Variants in GRID2IP observed in about 807,000 individuals in gnomAD.
GRID2IP encodes delphilin.
GRID2IP carries 78 observed loss-of-function variants against 114.3 expected under a neutral mutation model. That is an observed-to-expected ratio of 0.68 (90% CI 0.57 to 0.82). GRID2IP has a LOEUF of 0.82. GRID2IP is among the 40% of genes least tolerant of loss of function. The pLI is 0.00. For missense variants in GRID2IP, 1,727 were observed against 1,678.5 expected (o/e 1.03, Z -0.51); for synonymous variants, 809 against 724.0 (o/e 1.12, Z -1.89).
At chr7:6,501,754 T>C (rs1056014662) in intron 20 of GRID2IP, 27 bp downstream of exon 20, 3 of 1,510,420 alleles carry the variant, frequency 2.0e-6, no homozygotes, top group African/African-American at 2.8e-5. Flanking sequence ...TCCAGCCTGG[T>C]GCAGGAACAG....
chr7:6,531,134 C>A (rs1041101434), intron 2 of GRID2IP: 4 of 521,492 alleles, frequency 7.7e-6, no homozygotes, highest in Non-Finnish European at 1.4e-5. Flanking sequence ...CGGCAGGTGC[C>A]GAAGGGCAGG....
rs71775934 is a variant in GRID2IP, at chr7:6,528,072, A to AT, written c.585-1304dup. Among the ~76,000 whole-genome samples, 16 of 150,294 alleles carry AT rather than the reference A, an allele frequency of 1.1e-4. No individual in the cohort carries two copies. The highest frequency in any genetic ancestry group is 3.2e-4 in the African/African-American group (13 of 40,770). On this transcript the variant is annotated intron_variant, in intron 2 of 21. Coordinates refer to ENST00000457091, the MANE Select transcript of GRID2IP (RefSeq NM_001145118.2). The surrounding 1 kb of genome is among the most constrained non-coding windows in gnomAD (Gnocchi z 6.0). ...TGCCCGGCATTTTTTTTTCTTTTTA[A>AT]TTTTTTTTGTAGAGATGAGGCTCTA...
At chr7:6,533,181 T>C (rs986026316) in intron 2 of GRID2IP, among the ~76,000 whole-genome samples, 3 of 152,116 alleles carry the variant, frequency 2.0e-5, no homozygotes, top group Non-Finnish European at 4.4e-5. Flanking sequence ...AAACATCCTC[T>C]AATGTGCAGG....
rs556185564 is a variant in GRID2IP, at chr7:6,514,712, G to A, written c.1269-183C>T. Reference sequence around the variant, plus strand: ...CACGCCTGTAATCCCAGCACTTTGAGAGGCCGAGGCAGGTGGATCATTTGA... The same window carrying A: ...CACGCCTGTAATCCCAGCACTTTGAAAGGCCGAGGCAGGTGGATCATTTGA... On this transcript the variant is annotated intron_variant, in intron 7 of 21. Transcript: ENST00000457091. Among the ~76,000 whole-genome samples the A allele has an allele frequency of 1.9e-4, 29 of 152,254 alleles. No individual in the cohort carries two copies. In the East Asian group the frequency reaches 5.6e-3, roughly 29 times the overall value.
chr7:6,542,686 T>A (rs969906017), intron 1 of GRID2IP, among the ~76,000 whole-genome samples: 1 of 151,946 alleles, frequency 6.6e-6, no homozygotes, highest in Non-Finnish European at 1.5e-5. Context: ...AATAAAACCA[T>A]GAAATAGGGA....
chr7:6,504,749 C>A, intron 15 of GRID2IP, 44 bp downstream of exon 15: 2 of 1,470,546 alleles, frequency 1.4e-6, no homozygotes, highest in East Asian at 2.5e-5. Context: ...GAGAAAGGGC[C>A]GCCGCCTGCC....
At position 6,532,973 on chromosome 7, in the gene GRID2IP, A is replaced by G. The variant is rs1302834653; in HGVS notation, c.585-6204T>C. ...AGGTGATCACCAGGGGACAGGCAAC[A>G]GCCGGACTTCCCTGAAGTGTCTGCT... On this transcript the variant is annotated intron_variant, in intron 2 of 21. Coordinates refer to ENST00000457091, the MANE Select transcript of GRID2IP (RefSeq NM_001145118.2). The surrounding 1 kb of genome is among the most constrained non-coding windows in gnomAD (Gnocchi z 4.4). Among the ~76,000 whole-genome samples, 1 of 152,232 alleles carries G rather than the reference A, an allele frequency of 6.6e-6. No individual in the cohort carries two copies. The highest frequency in any genetic ancestry group is 6.5e-5 in the Admixed American group (1 of 15,274).
intron 1 of GRID2IP, among the ~76,000 whole-genome samples, chr7:6,543,919 C>G (rs1779848724): frequency 6.6e-6 from 1 of 152,098 alleles, no homozygotes; most frequent in Non-Finnish European, 1.5e-5. Flanking sequence ...GACTCAGCCT[C>G]CCAAGTAGCT....
At position 6,526,144 on chromosome 7, in the gene GRID2IP, T is replaced by C; in HGVS notation, c.919+80A>G. On this transcript the variant is annotated intron_variant, in intron 4 of 21. Coordinates refer to ENST00000457091, the MANE Select transcript of GRID2IP (RefSeq NM_001145118.2). This position sits in a 1 kb window ranked among gnomAD's most constrained non-coding sequence, Gnocchi z 7.6. ...GAGCAGGAGCCTACATGGGGTACAATGACCCGGCAGAGCCACCACGGGGCC... is the reference window on the plus strand; with the variant it reads ...GAGCAGGAGCCTACATGGGGTACAACGACCCGGCAGAGCCACCACGGGGCC... 3 of 1,116,932 alleles carry C rather than the reference T, an allele frequency of 2.7e-6. No individual in the cohort carries two copies. Among genetic ancestry groups the C allele is most frequent in the Non-Finnish European group, 4.0e-6 (3 of 753,998 alleles). 69.2% of individuals were successfully genotyped at this position (1,116,932 alleles called of 1,614,324 possible). A position where few individuals can be genotyped will look rare whatever the true frequency, so the allele number is the denominator to read the frequency against.
chr7:6,503,247 G>GGGGGGGGA, intron 16 of GRID2IP, 84 bp from the exon 17 acceptor site: 1 of 504,200 alleles, frequency 2.0e-6, no homozygotes, highest in Non-Finnish European at 3.6e-6. Context: ...GGGAGGGGGG[G>GGGGGGGGA]ATCTGCTGGC....
chr7:6,543,681 C>T (rs1030651237), intron 1 of GRID2IP, among the ~76,000 whole-genome samples: 1 of 151,976 alleles, frequency 6.6e-6, no homozygotes, highest in African/African-American at 2.4e-5. Flanking sequence ...GCAATCATAG[C>T]TCCCTGTGGC....
intron 1 of GRID2IP, among the ~76,000 whole-genome samples, chr7:6,550,025 C>A (rs1779950057): frequency 7.2e-6 from 1 of 139,844 alleles, no homozygotes. Context: ...CGGTCTCACT[C>A]CGTTACCCAG....
At chr7:6,542,314 A>AG (rs1272208168) in intron 1 of GRID2IP, among the ~76,000 whole-genome samples, 1 of 150,710 alleles carries the variant, frequency 6.6e-6, no homozygotes, top group Non-Finnish European at 1.5e-5. Context: ...CTCAAAAAAA[A>AG]AAAAAAAAAA....
rs911603620 is a variant in GRID2IP, at chr7:6,508,876, C to A, written c.2127+82G>T. The stretch of plus-strand genomic sequence containing the variant: ...GATCCCAAGGGCAGCAGGCCCCTTG[C>A]GGGAGCCCAGGAACACTGTTGCCTT... On this transcript the variant is annotated intron_variant, in intron 12 of 21. Coordinates refer to ENST00000457091, the MANE Select transcript of GRID2IP (RefSeq NM_001145118.2). The surrounding 1 kb of genome is among the most constrained non-coding windows in gnomAD (Gnocchi z 5.6). 5 of 1,481,066 alleles carry A rather than the reference C, an allele frequency of 3.4e-6. No individual in the cohort carries two copies. Among genetic ancestry groups the A allele is most frequent in the South Asian group, 1.3e-5 (1 of 74,608 alleles). The allele number at this position is 1,481,066 out of a possible 1,614,324, so 91.7% of individuals were successfully genotyped here.
intron 1 of GRID2IP, among the ~76,000 whole-genome samples, chr7:6,549,659 CA>C (rs1240489913): frequency 1.3e-5 from 2 of 152,072 alleles, no homozygotes; most frequent in African/African-American, 4.8e-5. Context: ...CTCACTCTGT[CA>C]CTCAGGCTGC....
At position 6,506,193 on chromosome 7, in the gene GRID2IP, G is replaced by A. The variant is rs912061085; in HGVS notation, c.2545-286C>T. Among the ~76,000 whole-genome samples, 1 of 152,242 alleles carries A rather than the reference G, an allele frequency of 6.6e-6. No individual in the cohort carries two copies. The highest frequency in any genetic ancestry group is 6.5e-5 in the Admixed American group (1 of 15,288). On this transcript the variant is annotated intron_variant, in intron 13 of 21. Coordinates refer to ENST00000457091, the MANE Select transcript of GRID2IP (RefSeq NM_001145118.2). This position sits in a 1 kb window ranked among gnomAD's most constrained non-coding sequence, Gnocchi z 5.2. ...TGCAGCGGGGGCATGAAGGAGCTGT[G>A]AAGAGGCTAGAGCCAAGTAAGGGGC...
chr7:6,499,562 C>G, intron 20 of GRID2IP, among the ~76,000 whole-genome samples: 1 of 152,286 alleles, frequency 6.6e-6, no homozygotes, highest in Middle Eastern at 3.4e-3. Context: ...TTCTGAGTAG[C>G]TGGGATTACA....
chr7:6,501,651 G>C (rs76711943), intron 20 of GRID2IP, 130 bp downstream of exon 20: 11,219 of 706,858 alleles, frequency 0.016, 298 homozygotes, highest in East Asian at 0.055. Flanking sequence ...GGACCCCTGG[G>C]TGCACAGCAA....
chr7:6,527,088 C>T (rs1779529566), intron 2 of GRID2IP, among the ~76,000 whole-genome samples: 1 of 152,142 alleles, frequency 6.6e-6, no homozygotes, highest in South Asian at 2.1e-4. Context: ...GTTCCTCCTC[C>T]TGCCTCTGTC....
Sources: gnomAD v4.1 joint callset for allele counts (sites outside exome capture counted in the v4.1 genomes callset) on GRCh38, gnomAD v4.1.1 for gene constraint, Gnocchi (gnomAD v3.1) non-coding constraint, MANE v1.5 for transcripts, NCBI Gene and HGNC (gene_info 2026-07-23, HGNC 2026-07-21) for gene names.